STK10: variants seen among roughly 807,000 people sequenced by gnomAD.
STK10 encodes serine/threonine-protein kinase 10.
STK10 carries 78 observed loss-of-function variants against 113.8 expected under a neutral mutation model. The observed-to-expected ratio is 0.69, with a 90% CI of 0.57 to 0.83. STK10 has a LOEUF of 0.83. STK10 is among the 40% of genes least tolerant of loss of function. STK10 has a pLI of 0.00. For missense variants in STK10, 1,109 were observed against 1,280.1 expected, an observed-to-expected ratio of 0.87 and a Z score of 2.04; for synonymous variants, 465 against 494.7, an observed-to-expected ratio of 0.94 and a Z score of 0.80.
chr5:172,132,210 G>GA (rs1259274884), intron 2 of STK10, among the ~76,000 whole-genome samples: 5 of 152,112 alleles, frequency 3.3e-5, no homozygotes, highest in African/African-American at 4.8e-5. Context: ...TGCATGCTTA[G>GA]AAAAAAGACT....
At chr5:172,088,944 C>T (rs1768629028) in intron 10 of STK10, among the ~76,000 whole-genome samples, 1 of 152,206 alleles carries the variant, frequency 6.6e-6, no homozygotes, top group African/African-American at 2.4e-5. Flanking sequence ...TCACACCTTC[C>T]TCCCTGTTCC....
chr5:172,096,639 C>G (rs1027536489), intron 7 of STK10, 79 bp from the exon 8 acceptor site: 1 of 1,572,980 alleles, frequency 6.4e-7, no homozygotes, highest in African/African-American at 1.3e-5. Context: ...AGCTCACCCC[C>G]GGGGCAGAAA....
intron 1 of STK10, among the ~76,000 whole-genome samples, chr5:172,185,196 C>A (rs1421990397): frequency 6.6e-6 from 1 of 151,986 alleles, no homozygotes; most frequent in Non-Finnish European, 1.5e-5. Context: ...GAAGCCAGGA[C>A]ACACTGCGGG....
At position 172,124,814 on chromosome 5, in the gene STK10, A is replaced by C. The variant is rs1769586212; in HGVS notation, c.370+2559T>G. Among the ~76,000 whole-genome samples, 3 of 152,132 alleles carry C rather than the reference A, an allele frequency of 2.0e-5. No homozygotes were observed. The South Asian group carries it at 6.2e-4, about 32-fold the overall frequency. ...GAACGGTCTCTGTGCAACTGCCCGTAATCTCTCCCTGTAATACACTTGGTC... is the reference window on the plus strand; with the variant it reads ...GAACGGTCTCTGTGCAACTGCCCGTCATCTCTCCCTGTAATACACTTGGTC... On this transcript the variant is annotated intron_variant, in intron 3 of 18. Coordinates refer to ENST00000176763, the MANE Select transcript of STK10 (RefSeq NM_005990.4).
In STK10 at chr5:172,093,968, A is replaced by AATAT; in HGVS notation, c.1006-12_1006-9dup. 5 of 1,410,626 alleles carry AATAT rather than the reference A, an allele frequency of 3.5e-6. No individual in the cohort carries two copies. The highest frequency in any genetic ancestry group is 3.7e-6 in the Non-Finnish European group (4 of 1,068,154). The allele number at this position is 1,410,626 out of a possible 1,614,324, so 87.4% of individuals were successfully genotyped here. A position where few individuals can be genotyped will look rare whatever the true frequency, so the allele number is the denominator to read the frequency against. Reference sequence around the variant, plus strand: ...AGTATGGTTCTCCAGGGTCTAGAAAAATATATATATATATATTAAAGGCCA... The same window carrying AATAT: ...AGTATGGTTCTCCAGGGTCTAGAAAAATATATATATATATATATATTAAAGGCCA... On this transcript the variant is annotated splice_polypyrimidine_tract_variant and intron_variant, in intron 8 of 18. Coordinates refer to ENST00000176763, the MANE Select transcript of STK10 (RefSeq NM_005990.4). This position sits in a 1 kb window ranked among gnomAD's most constrained non-coding sequence, Gnocchi z 4.1.
intron 2 of STK10, among the ~76,000 whole-genome samples, chr5:172,152,842 G>GA (rs1163250627): frequency 6.6e-6 from 1 of 152,022 alleles, no homozygotes; most frequent in African/African-American, 2.4e-5. Flanking sequence ...GACTTAGAAT[G>GA]AAAAAAAGTA....
intron 5 of STK10, 102 bp from the exon 6 acceptor site, chr5:172,106,916 G>T: frequency 8.3e-7 from 1 of 1,201,306 alleles, no homozygotes; most frequent in Non-Finnish European, 1.2e-6. Flanking sequence ...GTCGGGGTTG[G>T]CAGCACTCCC....
chr5:172,079,241 T>A (rs1768377648), intron 12 of STK10, among the ~76,000 whole-genome samples: 1 of 152,170 alleles, frequency 6.6e-6, no homozygotes, highest in Non-Finnish European at 1.5e-5. Flanking sequence ...GCTACATGGA[T>A]GGTTTTCCAG....
intron 12 of STK10, among the ~76,000 whole-genome samples, chr5:172,070,227 G>A (rs1054086006): frequency 3.3e-5 from 5 of 151,102 alleles, no homozygotes; most frequent in East Asian, 1.9e-4. Flanking sequence ...CAGCCTGGGC[G>A]ACAAGAGCAA....
At chr5:172,059,830 T>C (rs1767894686) in intron 14 of STK10, among the ~76,000 whole-genome samples, 1 of 152,170 alleles carries the variant, frequency 6.6e-6, no homozygotes, top group African/African-American at 2.4e-5. Flanking sequence ...TACTGCCATC[T>C]TGTGGTCATT....
intron 17 of STK10, 83 bp from the exon 18 acceptor site, chr5:172,053,125 C>A (rs1030888034): frequency 3.9e-6 from 4 of 1,033,922 alleles, no homozygotes; most frequent in East Asian, 2.4e-5. Flanking sequence ...GCTGTGGCTA[C>A]GAGGGCACCA....
rs191672104 is a variant in STK10, at chr5:172,057,143, C to G, written c.2337+206G>C. The G allele has an allele frequency of 6.6e-6, 4 of 608,974 alleles. No homozygotes were observed. The African/African-American group carries it at 7.5e-5, about 11-fold the overall frequency. The allele number at this position is 608,974 out of a possible 1,614,324, so 37.7% of individuals were successfully genotyped here. On this transcript the variant is annotated intron_variant, in intron 15 of 18. Coordinates refer to ENST00000176763, the MANE Select transcript of STK10 (RefSeq NM_005990.4). ...ACTTGGGCCATTGGCTTCCCTGCAT[C>G]GTTTCCCCTATTCCTAGCCCCTTGA...
chr5:172,073,304 C>A (rs1164667657), intron 12 of STK10, among the ~76,000 whole-genome samples: 1 of 152,080 alleles, frequency 6.6e-6, no homozygotes. Context: ...AGATGCACAC[C>A]ACCACATTGG....
chr5:172,064,592 G>A (rs1208953580), intron 13 of STK10, 128 bp downstream of exon 13: 11 of 927,252 alleles, frequency 1.2e-5, no homozygotes, highest in Non-Finnish European at 1.5e-5. Context: ...GAAGGATGAG[G>A]CCAGATTTAG....
intron 17 of STK10, 24 bp from the exon 18 acceptor site, chr5:172,053,066 A>T (rs751059389): frequency 6.2e-7 from 1 of 1,607,434 alleles, no homozygotes. Flanking sequence ...CAGGCAGAAC[A>T]GGTGAGAAAT....
intron 3 of STK10, among the ~76,000 whole-genome samples, chr5:172,119,681 G>A (rs1314048429): frequency 6.6e-6 from 1 of 150,950 alleles, no homozygotes; most frequent in South Asian, 2.1e-4. Flanking sequence ...TGGCTAAAAC[G>A]GTGAAACCCC....
intron 3 of STK10, among the ~76,000 whole-genome samples, chr5:172,119,443 A>C (rs1172547142): frequency 6.6e-6 from 1 of 152,180 alleles, no homozygotes; most frequent in Non-Finnish European, 1.5e-5. Flanking sequence ...GGCTGAGAGC[A>C]GTGGCTCAAT....
chr5:172,057,821 G>C (rs1243554142), intron 14 of STK10, among the ~76,000 whole-genome samples: 1 of 152,166 alleles, frequency 6.6e-6, no homozygotes, highest in African/African-American at 2.4e-5. Flanking sequence ...TCTGCCAGAT[G>C]GACACAGCTA....
Position 172,082,813 on chromosome 5 carries a change from C to T in STK10, c.1809+148G>A. The T allele has an allele frequency of 7.7e-7, 1 of 1,300,212 alleles. No homozygotes were observed. The highest frequency in any genetic ancestry group is 1.0e-6 in the Non-Finnish European group (1 of 953,942). The allele number at this position is 1,300,212 out of a possible 1,614,324, so 80.5% of individuals were successfully genotyped here. ...CACGGGGTTCTGTGTTAACAAGTCACTGCCTAACAAGATCGGGAAGCCCCC... is the reference window on the plus strand; with the variant it reads ...CACGGGGTTCTGTGTTAACAAGTCATTGCCTAACAAGATCGGGAAGCCCCC... On this transcript the variant is annotated intron_variant, in intron 11 of 18. Coordinates refer to ENST00000176763, the MANE Select transcript of STK10 (RefSeq NM_005990.4). The surrounding 1 kb of genome is among the most constrained non-coding windows in gnomAD (Gnocchi z 4.3).
Sources: allele counts gnomAD v4.1 joint callset (sites outside exome capture counted in the v4.1 genomes callset), GRCh38; gene constraint gnomAD v4.1.1; non-coding constraint Gnocchi (gnomAD v3.1); transcripts MANE v1.5; gene names NCBI Gene and HGNC (gene_info 2026-07-23, HGNC 2026-07-21).